Variants in OTC observed in about 807,000 individuals in gnomAD.
OTC encodes the protein ornithine transcarbamylase.
A neutral mutation model predicts 30.3 loss-of-function variants in OTC; 3 were observed. The ratio of observed to expected loss-of-function variants is 0.10; its 90% CI spans 0.05 to 0.26. The LOEUF is 0.26. Among genes scored for constraint, OTC ranks in the 10% least tolerant of loss-of-function variants. The probability of loss-of-function intolerance (pLI) is 1.00; values close to 1 mark genes in which losing one functional copy is unlikely to be tolerated. For missense variants in OTC, 194 were observed against 260.3 expected (o/e 0.75, Z 1.75); for synonymous variants, 111 against 99.7 (o/e 1.11, Z -0.67).
the OTC span, among the ~76,000 whole-genome samples, chrX:38,345,830 C>T: frequency 4.5e-5 from 5 of 111,058 alleles, no homozygotes; most frequent in Admixed American, 2.9e-4. Flanking sequence ...CATGAGCCAC[C>T]GTGCCCGACC....
At chrX:38,349,125 G>A (rs1158282358), upstream of OTC, among the ~76,000 whole-genome samples, 1 of 111,528 alleles carries the variant, frequency 9.0e-6, no homozygotes, top group African/African-American at 3.3e-5. Context: ...AGCAGACATC[G>A]AGAAAGGGGT....
chrX:38,350,461 C>A (rs975522498), upstream of OTC, among the ~76,000 whole-genome samples: 7 of 111,533 alleles, frequency 6.3e-5, no homozygotes, highest in Admixed American at 4.8e-4. Context: ...ATGGGGTCAA[C>A]AAGAGCCCCT....
intron 4 of OTC, among the ~76,000 whole-genome samples, chrX:38,398,371 T>C (rs1251132158): frequency 8.9e-6 from 1 of 112,289 alleles, no homozygotes; most frequent in African/African-American, 3.2e-5. Flanking sequence ...CAACATACTG[T>C]AAAGTTCGAG....
rs190585924 is a variant in OTC, at chrX:38,396,260, C to G, written c.387-5015C>G. Among the ~76,000 whole-genome samples, 117 of 110,313 alleles carry G rather than the reference C, an allele frequency of 1.1e-3. 3 individuals carry two copies. In the Admixed American group the frequency reaches 0.011, roughly 10 times the overall value. Reference sequence around the variant, plus strand: ...TACAGGCATGAGCCACTGCACCCTGCCATGGATTCTGATTTTTAAAGAAAT... The same window carrying G: ...TACAGGCATGAGCCACTGCACCCTGGCATGGATTCTGATTTTTAAAGAAAT... On this transcript the variant is annotated intron_variant, in intron 4 of 9. Transcript: ENST00000039007.
intron 5 of OTC, among the ~76,000 whole-genome samples, chrX:38,401,698 C>T (rs1270921119): frequency 9.0e-6 from 1 of 111,279 alleles, no homozygotes; most frequent in East Asian, 2.8e-4. Flanking sequence ...TTTTCGGTGC[C>T]ATATTTAACA....
At chrX:38,367,213 C>A in intron 1 of OTC, 78 bp from the exon 2 acceptor site, 2 of 828,902 alleles carry the variant, frequency 2.4e-6, no homozygotes, top group African/African-American at 2.1e-5. Context: ...GCCTTATCAA[C>A]AGTAAAACAA....
At chrX:38,370,064 A>T (rs1404613904) in intron 3 of OTC, among the ~76,000 whole-genome samples, 187 bp downstream of exon 3, 1 of 112,774 alleles carries the variant, frequency 8.9e-6, no homozygotes, top group Non-Finnish European at 1.9e-5. Flanking sequence ...GCAAGCAGAA[A>T]AATTAGCTTC....
intron 4 of OTC, among the ~76,000 whole-genome samples, chrX:38,396,938 CTGAGGCCTGT>C (rs1252288085): frequency 1.8e-5 from 2 of 111,529 alleles, no homozygotes; most frequent in Non-Finnish European, 3.8e-5. Flanking sequence ...ACAAATGCTG[CTGAGGCCTGT>C]TTATTCATGG....
At chrX:38,374,393 C>G (rs1262730748) in intron 3 of OTC, among the ~76,000 whole-genome samples, 1 of 109,831 alleles carries the variant, frequency 9.1e-6, no homozygotes, top group East Asian at 2.9e-4. Flanking sequence ...TATTACCATC[C>G]AGACCTGGTA....
chrX:38,379,957 C>G (rs992910956), intron 3 of OTC, among the ~76,000 whole-genome samples: 23 of 111,665 alleles, frequency 2.1e-4, no homozygotes, highest in Middle Eastern at 4.2e-3. Flanking sequence ...ATACCAATAC[C>G]CTTTACATCA....
At chrX:38,363,393 AG>A (rs1345493740) in intron 1 of OTC, among the ~76,000 whole-genome samples, 1 of 112,016 alleles carries the variant, frequency 8.9e-6, no homozygotes, top group African/African-American at 3.2e-5. Flanking sequence ...TTATTCCAGA[AG>A]AAAAATATTT....
intron 3 of OTC, among the ~76,000 whole-genome samples, chrX:38,372,129 A>G (rs955485068): frequency 4.5e-5 from 5 of 112,169 alleles, no homozygotes; most frequent in Non-Finnish European, 9.4e-5. Flanking sequence ...TGAAACCAGA[A>G]TATTTCTGAA....
chrX:38,421,909 A>AT (rs201074989), downstream of OTC, among the ~76,000 whole-genome samples: 230 of 99,664 alleles, frequency 2.3e-3, 4 homozygotes, highest in East Asian at 0.068. Context: ...TACTTGCAAC[A>AT]TTTTAGCCAA....
intron 4 of OTC, among the ~76,000 whole-genome samples, chrX:38,383,880 C>T (rs1264740662): frequency 9.1e-6 from 1 of 110,359 alleles, no homozygotes; most frequent in East Asian, 2.8e-4. Context: ...GTCCCCAGGA[C>T]AACCCAGAGG....
At chrX:38,336,062 G>A in the OTC span, among the ~76,000 whole-genome samples, 1 of 111,334 alleles carries the variant, frequency 9.0e-6, no homozygotes, top group Non-Finnish European at 1.9e-5. Context: ...AGGATAATTT[G>A]AGAAGGATTT....
At chrX:38,343,593 G>T in the OTC span, among the ~76,000 whole-genome samples, 1 of 111,897 alleles carries the variant, frequency 8.9e-6, no homozygotes. Flanking sequence ...CTTGTCTTCT[G>T]TGCAGAAATT....
chrX:38,381,474 A>T (rs765594316), intron 4 of OTC, 45 bp downstream of exon 4: 13 of 835,699 alleles, frequency 1.6e-5, no homozygotes, highest in Non-Finnish European at 2.3e-5. Context: ...TCAGAATCTG[A>T]TGGATAAATT....
chrX:38,345,160 C>A, the OTC span, among the ~76,000 whole-genome samples: 1 of 111,944 alleles, frequency 8.9e-6, no homozygotes, highest in East Asian at 2.8e-4. Context: ...TATGATCACA[C>A]TATTGTGAAA....
chrX:38,393,186 G>A (rs1305252406), intron 4 of OTC, among the ~76,000 whole-genome samples: 1 of 111,872 alleles, frequency 8.9e-6, no homozygotes, highest in Non-Finnish European at 1.9e-5. Flanking sequence ...TGAACAAAAC[G>A]AATCTACTCA....
Sources: gnomAD v4.1 joint callset for allele counts (sites outside exome capture counted in the v4.1 genomes callset) on GRCh38, gnomAD v4.1.1 for gene constraint, MANE v1.5 for transcripts, NCBI Gene and HGNC (gene_info 2026-07-23, HGNC 2026-07-21) for gene names.